Variants in MYO5B observed in about 807,000 individuals in gnomAD.
MYO5B encodes myosin VB, also known as unconventional myosin-Vb.
MYO5B carries 143 observed loss-of-function variants against 229.3 expected under a neutral mutation model. The observed-to-expected ratio is 0.62, with a 90% confidence interval of 0.54 to 0.72. MYO5B has a LOEUF of 0.72. Among genes scored for constraint, MYO5B ranks in the 30% least tolerant of loss-of-function variants. MYO5B has a pLI of 0.00. For synonymous variants in MYO5B, 918 were observed against 885.2 expected, an observed-to-expected ratio of 1.04 and a Z score of -0.66; for missense variants, 2,321 against 2,331.0, an observed-to-expected ratio of 1.00 and a Z score of 0.09.
chr18:50,172,384 T>G (rs767300532), intron 1 of MYO5B, among the ~76,000 whole-genome samples: 3 of 150,808 alleles, frequency 2.0e-5, no homozygotes, highest in Non-Finnish European at 2.9e-5. Context: ...ATGGCCCAGA[T>G]AAGAAAGTAC....
At chr18:50,121,241 C>T (rs2032054078) in intron 1 of MYO5B, among the ~76,000 whole-genome samples, 2 of 152,228 alleles carry the variant, frequency 1.3e-5, no homozygotes, top group African/African-American at 2.4e-5. Context: ...CATTCCAAAG[C>T]TTGCGTTATC....
intron 18 of MYO5B, among the ~76,000 whole-genome samples, chr18:49,907,208 C>T (rs1453861562): frequency 6.6e-6 from 1 of 152,026 alleles, no homozygotes; most frequent in Non-Finnish European, 1.5e-5. Flanking sequence ...CCAAAGGCCT[C>T]GTAGGTTGCA....
chr18:49,872,450 C>G (rs1390211654), intron 26 of MYO5B, among the ~76,000 whole-genome samples: 1 of 152,176 alleles, frequency 6.6e-6, no homozygotes, highest in African/African-American at 2.4e-5. Flanking sequence ...TCCCCACCCC[C>G]ACTTTCACTC....
At chr18:50,141,482 T>C (rs545988614) in intron 1 of MYO5B, among the ~76,000 whole-genome samples, 5 of 152,284 alleles carry the variant, frequency 3.3e-5, no homozygotes, top group Admixed American at 2.6e-4. Context: ...AAGAAAGCTG[T>C]TTTCTCCTAC....
chr18:49,996,888 T>C (rs1428530960), intron 5 of MYO5B, among the ~76,000 whole-genome samples: 1 of 152,198 alleles, frequency 6.6e-6, no homozygotes, highest in Non-Finnish European at 1.5e-5. Context: ...TGTTGATACA[T>C]GAAAGAAAAC....
chr18:50,111,750 C>T (rs568124244), intron 1 of MYO5B, among the ~76,000 whole-genome samples: 7 of 152,328 alleles, frequency 4.6e-5, no homozygotes, highest in Admixed American at 2.6e-4. Context: ...AATAAAACTA[C>T]GTTTACTAAC....
chr18:49,872,746 T>A (rs1405560846), intron 26 of MYO5B, among the ~76,000 whole-genome samples: 1 of 152,002 alleles, frequency 6.6e-6, no homozygotes, highest in Non-Finnish European at 1.5e-5. Context: ...GCCAAAAACA[T>A]GGGAAGTTGA....
intron 12 of MYO5B, among the ~76,000 whole-genome samples, chr18:49,957,258 T>C (rs2025504297): frequency 6.7e-6 from 1 of 149,462 alleles, no homozygotes. Context: ...GTACACTCTC[T>C]ATCACAGATG....
intron 7 of MYO5B, among the ~76,000 whole-genome samples, chr18:49,989,133 TGG>T (rs1424288630): frequency 6.6e-6 from 1 of 152,216 alleles, no homozygotes; most frequent in Non-Finnish European, 1.5e-5. Flanking sequence ...GCAGGATCCC[TGG>T]GGCCTAACAT....
At chr18:50,194,278 T>G (rs2144369131) in intron 1 of MYO5B, among the ~76,000 whole-genome samples, 1 of 152,148 alleles carries the variant, frequency 6.6e-6, no homozygotes, top group African/African-American at 2.4e-5. Context: ...CTGTTGTGGG[T>G]ATGCGGGAGG....
intron 1 of MYO5B, among the ~76,000 whole-genome samples, chr18:50,172,708 C>T (rs1310701044): frequency 6.6e-6 from 1 of 152,228 alleles, no homozygotes; most frequent in Admixed American, 6.5e-5. Context: ...GTGAACAGGA[C>T]AAGTGCTGCT....
At chr18:49,879,326 G>T in intron 23 of MYO5B, 1 of 545,470 alleles carries the variant, frequency 1.8e-6, no homozygotes, top group Non-Finnish European at 3.3e-6. Flanking sequence ...GGAGAGAGAA[G>T]TTGGCAGCGT....
chr18:49,966,159 C>T (rs2025623143), intron 10 of MYO5B, among the ~76,000 whole-genome samples: 1 of 152,104 alleles, frequency 6.6e-6, no homozygotes, highest in Non-Finnish European at 1.5e-5. Context: ...GGGCCGGTGC[C>T]CAGAATACAT....
chr18:49,986,269 C>A (rs956458799), intron 7 of MYO5B, among the ~76,000 whole-genome samples: 13 of 152,182 alleles, frequency 8.5e-5, no homozygotes, highest in African/African-American at 3.1e-4. Context: ...TTCCTCACCT[C>A]CCCCCATTTC....
chr18:50,038,868 G>C (rs1277277438), intron 3 of MYO5B, among the ~76,000 whole-genome samples: 2 of 152,058 alleles, frequency 1.3e-5, no homozygotes, highest in African/African-American at 4.8e-5. Flanking sequence ...CTTATTAAAG[G>C]CTCTGATAAT....
At chr18:50,040,988 TA>T (rs879365657) in intron 2 of MYO5B, among the ~76,000 whole-genome samples, 1 of 152,204 alleles carries the variant, frequency 6.6e-6, no homozygotes, top group Non-Finnish European at 1.5e-5. Context: ...GATACATTTA[TA>T]ACCCTCGGTA....
At chr18:50,126,339 T>C (rs957158652) in intron 1 of MYO5B, among the ~76,000 whole-genome samples, 2 of 152,130 alleles carry the variant, frequency 1.3e-5, no homozygotes, top group African/African-American at 4.8e-5. Flanking sequence ...AGAGACACAG[T>C]AGTGAACAAA....
intron 17 of MYO5B, among the ~76,000 whole-genome samples, chr18:49,920,372 A>G (rs1474497880): frequency 6.6e-6 from 1 of 152,200 alleles, no homozygotes; most frequent in Admixed American, 6.5e-5. Context: ...AAAGTAATAC[A>G]TACAAGTTTT....
At position 49,824,248 on chromosome 18, in the gene MYO5B, T is replaced by A. The variant is rs2023811955; in HGVS notation, c.*2223A>T. ...GTATTAAATAAGACAGATCTAAATATTAACTACATATAAAGTATATATTTG... is the reference window on the plus strand; with the variant it reads ...GTATTAAATAAGACAGATCTAAATAATAACTACATATAAAGTATATATTTG... On this transcript the variant is annotated 3_prime_UTR_variant, in exon 40 of 40. Transcript: ENST00000285039. The A allele has an allele frequency of 6.6e-6, 1 of 152,288 alleles. No individual in the cohort carries two copies. The allele number at this position is 152,288 out of a possible 1,614,324, so 9.4% of individuals were successfully genotyped here. A position where few individuals can be genotyped will look rare whatever the true frequency, so the allele number is the denominator to read the frequency against.
Sources: gnomAD v4.1 joint callset for allele counts (sites outside exome capture counted in the v4.1 genomes callset) on GRCh38, gnomAD v4.1.1 for gene constraint, MANE v1.5 for transcripts, NCBI Gene and HGNC (gene_info 2026-07-23, HGNC 2026-07-21) for gene names.